ESR1: variants seen among roughly 807,000 people sequenced by gnomAD.
ESR1 encodes the protein estrogen receptor 1.
ESR1 carries 12 observed loss-of-function variants against 52.7 expected under a neutral mutation model. That is an observed-to-expected ratio of 0.23 (90% CI 0.15 to 0.37). ESR1 has a LOEUF of 0.37. Among genes scored for constraint, ESR1 ranks in the 10% least tolerant of loss-of-function variants. The pLI is 1.00. For missense variants in ESR1, 584 were observed against 779.7 expected, an observed-to-expected ratio of 0.75 and a Z score of 2.99; for synonymous variants, 305 against 316.8, an observed-to-expected ratio of 0.96 and a Z score of 0.39.
chr6:151,853,895 T>C (rs1714140541), intron 2 of ESR1, among the ~76,000 whole-genome samples: 1 of 152,328 alleles, frequency 6.6e-6, no homozygotes, highest in East Asian at 1.9e-4. Flanking sequence ...TAGAAAGCTT[T>C]GTTTATCAGT....
chr6:151,693,021 C>A (rs936990403), intron 1 of ESR1, among the ~76,000 whole-genome samples: 26 of 152,200 alleles, frequency 1.7e-4, no homozygotes, highest in African/African-American at 6.3e-4. Flanking sequence ...ATAGCTCCCA[C>A]CACTCTCTAG....
At chr6:151,787,439 T>G (rs1428476769) in intron 2 of ESR1, among the ~76,000 whole-genome samples, 1 of 152,234 alleles carries the variant, frequency 6.6e-6, no homozygotes, top group Non-Finnish European at 1.5e-5. Flanking sequence ...TTGAGCAGTA[T>G]GGCCCTTTTA....
intron 3 of ESR1, among the ~76,000 whole-genome samples, chr6:151,884,967 T>TTA (rs1793607239): frequency 6.6e-6 from 1 of 152,134 alleles, no homozygotes; most frequent in Non-Finnish European, 1.5e-5. Context: ...ATCACCATTA[T>TTA]TATTAGTCAT....
At chr6:151,696,239 G>A (rs1196377816) in intron 1 of ESR1, among the ~76,000 whole-genome samples, 4 of 152,052 alleles carry the variant, frequency 2.6e-5, no homozygotes, top group African/African-American at 7.2e-5. Flanking sequence ...GGGAGGCTGA[G>A]GCCAGTGAAT....
chr6:151,753,810 T>C (rs1784082362), intron 2 of ESR1, among the ~76,000 whole-genome samples: 1 of 152,234 alleles, frequency 6.6e-6, no homozygotes, highest in Admixed American at 6.5e-5. Flanking sequence ...AACACATGGT[T>C]AAGTTCCCCA....
At chr6:151,946,651 T>C (rs1477491950) in intron 4 of ESR1, among the ~76,000 whole-genome samples, 5 of 152,208 alleles carry the variant, frequency 3.3e-5, no homozygotes, top group Non-Finnish European at 2.9e-5. Context: ...GTCTTCTTAC[T>C]TGATAATTAA....
At chr6:151,745,965 CTCATATAAATG>C (rs1783449751) in intron 2 of ESR1, among the ~76,000 whole-genome samples, 1 of 152,098 alleles carries the variant, frequency 6.6e-6, no homozygotes. Flanking sequence ...CTTTAGATAC[CTCATATAAATG>C]GAGTCATATG....
intron 1 of ESR1, among the ~76,000 whole-genome samples, chr6:151,823,250 T>A (rs1780883634): frequency 1.3e-5 from 2 of 152,204 alleles, no homozygotes; most frequent in South Asian, 4.1e-4. Flanking sequence ...TCTGTTATGG[T>A]GCCCGTTTCC....
chr6:151,797,317 G>A (rs893390673), intron 2 of ESR1, among the ~76,000 whole-genome samples: 1 of 152,176 alleles, frequency 6.6e-6, no homozygotes, highest in Non-Finnish European at 1.5e-5. Flanking sequence ...TAGTTCAGTC[G>A]TTCTGATGTC....
intron 5 of ESR1, among the ~76,000 whole-genome samples, chr6:152,048,122 G>A (rs1410632754): frequency 1.3e-5 from 2 of 151,844 alleles, no homozygotes; most frequent in East Asian, 1.9e-4. Context: ...TGTAATCCCA[G>A]CACTTTCGGA....
intron 1 of ESR1, among the ~76,000 whole-genome samples, chr6:151,683,864 ATTTTTTTTTT>A (rs66983259): frequency 2.5e-5 from 3 of 118,476 alleles, no homozygotes; most frequent in East Asian, 2.6e-4. Flanking sequence ...ACGTCTGGCT[ATTTTTTTTTT>A]TTTTTTTTTT....
chr6:151,890,783 A>G (rs1794594796), intron 3 of ESR1, among the ~76,000 whole-genome samples: 1 of 152,074 alleles, frequency 6.6e-6, no homozygotes, highest in Non-Finnish European at 1.5e-5. Context: ...AGCCTATTTT[A>G]TTTGATATAA....
chr6:151,662,147 A>G (rs1398003473), intron 1 of ESR1, among the ~76,000 whole-genome samples: 1 of 152,178 alleles, frequency 6.6e-6, no homozygotes, highest in African/African-American at 2.4e-5. Flanking sequence ...GGCGCTCGAG[A>G]GACTCACCTT....
chr6:151,668,035 G>A (rs181930834), intron 1 of ESR1, among the ~76,000 whole-genome samples: 26 of 152,308 alleles, frequency 1.7e-4, no homozygotes, highest in Admixed American at 1.6e-3. Context: ...TGAAAATGTA[G>A]CAAAGATGTT....
intron 5 of ESR1, among the ~76,000 whole-genome samples, chr6:152,014,684 C>A (rs1332298635): frequency 6.6e-6 from 1 of 152,088 alleles, no homozygotes; most frequent in Non-Finnish European, 1.5e-5. Flanking sequence ...TCCCCTCTAT[C>A]CCCATTCCTC....
chr6:152,090,334 C>T (rs780661747), intron 6 of ESR1, among the ~76,000 whole-genome samples: 2 of 152,174 alleles, frequency 1.3e-5, no homozygotes, highest in Non-Finnish European at 2.9e-5. Context: ...TCCTTTGAGT[C>T]ATTCTGTTTT....
rs2051128431 is a variant in ESR1 at position 152,111,208 on chromosome 6, A to G, written c.851-14058A>G. Among the ~76,000 whole-genome samples the G allele has an allele frequency of 2.6e-5, 4 of 152,196 alleles. No homozygotes were observed. The South Asian group carries it at 8.3e-4, about 32-fold the overall frequency. On this transcript the variant is annotated intron_variant, in intron 6 of 6. Coordinates refer to the ESR1 transcript ENST00000427531. ...CACTTGGCATCTATGTAGAACTGAC[A>G]AACTAGGAACTGTCACCTCACTAAA...
Position 152,099,890 on chromosome 6 carries a change from G to A in ESR1, c.*924G>A, listed in dbSNP as rs2050902216. 3 of 397,762 alleles carry A rather than the reference G, an allele frequency of 7.5e-6. No homozygotes were observed. In the South Asian group the frequency reaches 4.1e-4, roughly 55 times the overall value. The allele number at this position is 397,762 out of a possible 1,614,324, so 24.6% of individuals were successfully genotyped here. The stretch of plus-strand genomic sequence containing the variant: ...CCGGCGTGTGTGTGCCTTACACAGG[G>A]GTGAACTGTTCACTGTGGTGATGCA... On this transcript the variant is annotated 3_prime_UTR_variant, in exon 8 of 8. Coordinates refer to ENST00000206249, the MANE Select transcript of ESR1 (RefSeq NM_000125.4).
In ESR1 at chr6:152,103,169, C is replaced by A. The variant is rs9341084; in HGVS notation, c.*4203C>A. ...GCTTTGCTTTGTTTAATGAAACACACTTGTAAACCTCTTTTGCACTTTGAA... is the reference window on the plus strand; with the variant it reads ...GCTTTGCTTTGTTTAATGAAACACAATTGTAAACCTCTTTTGCACTTTGAA... On this transcript the variant is annotated 3_prime_UTR_variant, in exon 8 of 8. Coordinates refer to ENST00000206249, the MANE Select transcript of ESR1 (RefSeq NM_000125.4). 149 of 203,808 alleles carry A rather than the reference C, an allele frequency of 7.3e-4. 2 individuals carry two copies. In the East Asian group the frequency reaches 8.4e-3, roughly 11 times the overall value. 12.6% of individuals were successfully genotyped at this position (203,808 alleles called of 1,614,324 possible). A position where few individuals can be genotyped will look rare whatever the true frequency, so the allele number is the denominator to read the frequency against.
Sources: allele counts gnomAD v4.1 joint callset (sites outside exome capture counted in the v4.1 genomes callset), GRCh38; gene constraint gnomAD v4.1.1; transcripts MANE v1.5; gene names NCBI Gene and HGNC (gene_info 2026-07-23, HGNC 2026-07-21).